Variants in ANTXR1 observed in about 807,000 individuals in gnomAD.
ANTXR1 encodes ANTXR cell adhesion molecule 1, also known as anthrax toxin receptor 1.
A neutral mutation model predicts 78.1 loss-of-function variants in ANTXR1; 19 were observed. That is an observed-to-expected ratio of 0.24 (90% CI 0.17 to 0.36). The LOEUF (loss-of-function observed/expected upper bound fraction) is 0.36, where lower values mean the gene tolerates loss of function less well. ANTXR1 is among the 10% of genes least tolerant of loss of function. The pLI is 1.00. For synonymous variants in ANTXR1, 273 were observed against 260.5 expected, an observed-to-expected ratio of 1.05 and a Z score of -0.46; for missense variants, 518 against 718.6, an observed-to-expected ratio of 0.72 and a Z score of 3.19.
intron 8 of ANTXR1, among the ~76,000 whole-genome samples, chr2:69,084,922 G>A (rs961043329): frequency 6.8e-6 from 1 of 146,798 alleles, no homozygotes; most frequent in South Asian, 2.2e-4. Context: ...GCGCTATCTC[G>A]GCTCACTGCA....
At chr2:69,184,265 C>T (rs528805864) in intron 16 of ANTXR1, among the ~76,000 whole-genome samples, 37 of 152,206 alleles carry the variant, frequency 2.4e-4, no homozygotes, top group Non-Finnish European at 4.4e-4. Flanking sequence ...TGAATTGCCA[C>T]GCATTTCTAT....
chr2:69,013,775 C>G lies in ANTXR1; in HGVS notation c.152+124C>G. On this transcript the variant is annotated intron_variant, in intron 1 of 17. Transcript: ENST00000303714. The surrounding 1 kb of genome is among the most constrained non-coding windows in gnomAD (Gnocchi z 5.0). ...CGCATCTCCAGGGCCACAGAGGGACCGCGCGGCAGGCGGCGGCGGAGTGCT... is the reference window on the plus strand; with the variant it reads ...CGCATCTCCAGGGCCACAGAGGGACGGCGCGGCAGGCGGCGGCGGAGTGCT... The G allele has an allele frequency of 6.7e-7, 1 of 1,485,794 alleles. No homozygotes were observed. The highest frequency in any genetic ancestry group is 9.2e-7 in the Non-Finnish European group (1 of 1,091,290). The allele number at this position is 1,485,794 out of a possible 1,614,324, so 92.0% of individuals were successfully genotyped here.
In ANTXR1 at chr2:69,213,886, C is replaced by A. The variant is rs77515697; in HGVS notation, c.1434+20471C>A. ...TACAAGTCGCAAGTGGATGACCATG[C>A]CCCCATTGCCAGCAGCCTTGGGACG... On this transcript the variant is annotated intron_variant, in intron 17 of 17. Transcript: ENST00000303714. 8.2e-3 allele frequency among the ~76,000 whole-genome samples: 1,255 copies of A among 152,346 alleles called. 17 individuals carry two copies. The highest frequency in any genetic ancestry group is 0.028 in the African/African-American group (1,163 of 41,574).
chr2:69,044,898 C>A, intron 3 of ANTXR1, 85 bp downstream of exon 3: 1 of 1,347,860 alleles, frequency 7.4e-7, no homozygotes, highest in Non-Finnish European at 1.1e-6. Context: ...CCAGCCTTGA[C>A]CTGTTGATCA....
chr2:69,164,238 C>A (rs938712674), intron 13 of ANTXR1, among the ~76,000 whole-genome samples: 2 of 152,260 alleles, frequency 1.3e-5, no homozygotes, highest in Middle Eastern at 3.4e-3. Flanking sequence ...AAGGCCAACC[C>A]GTGACTCTGA....
intron 17 of ANTXR1, among the ~76,000 whole-genome samples, chr2:69,194,748 G>T (rs933417894): frequency 2.6e-5 from 4 of 152,194 alleles, no homozygotes; most frequent in African/African-American, 9.7e-5. Context: ...AGCTACTCAG[G>T]AGACTGAAGC....
At chr2:69,095,332 C>G (rs1222031886) in intron 9 of ANTXR1, among the ~76,000 whole-genome samples, 1 of 152,128 alleles carries the variant, frequency 6.6e-6, no homozygotes, top group Admixed American at 6.5e-5. Context: ...AAGACTTAGT[C>G]CCAAATCCAC....
Position 69,138,470 on chromosome 2 carries a change from A to G in ANTXR1, c.952-13699A>G, listed in dbSNP as rs976440254. Among the ~76,000 whole-genome samples the G allele has an allele frequency of 2.6e-5, 4 of 152,234 alleles. 1 individual carries two copies. The highest frequency in any genetic ancestry group is 1.3e-4 in the Admixed American group (2 of 15,288). ...GACTGACAGGATTTATATTGTTTGC[A>G]TTCCCAGAAGGCAGTCAAACTCCTC... On this transcript the variant is annotated intron_variant, in intron 12 of 17. Transcript: ENST00000303714.
intron 10 of ANTXR1, among the ~76,000 whole-genome samples, chr2:69,118,643 C>T (rs1672234617): frequency 6.6e-6 from 1 of 152,074 alleles, no homozygotes; most frequent in South Asian, 2.1e-4. Flanking sequence ...CTCGGCTGTC[C>T]TAGGAGTGGA....
chr2:69,160,313 C>T lies in ANTXR1; in HGVS notation c.1047+8049C>T, dbSNP rs537322522. ...CCCCAACCCCCATGCTTATGCCTGC[C>T]GGTGAAATGGAAAGAGGCGAGTTGT... is the stretch of plus-strand genomic sequence containing the variant. On this transcript the variant is annotated intron_variant, in intron 13 of 17. Coordinates refer to ENST00000303714, the MANE Select transcript of ANTXR1 (RefSeq NM_032208.3). Among the ~76,000 whole-genome samples the T allele has an allele frequency of 5.3e-5, 8 of 152,234 alleles. No homozygotes were observed. The South Asian group carries it at 1.0e-3, about 20-fold the overall frequency.
intron 17 of ANTXR1, among the ~76,000 whole-genome samples, chr2:69,218,373 G>A (rs1021615423): frequency 6.6e-6 from 1 of 152,152 alleles, no homozygotes; most frequent in Non-Finnish European, 1.5e-5. Context: ...AGGGGGGGAT[G>A]GGTATCCCTT....
At chr2:69,241,627 T>C (rs1427953460) in intron 17 of ANTXR1, among the ~76,000 whole-genome samples, 3 of 152,170 alleles carry the variant, frequency 2.0e-5, no homozygotes, top group South Asian at 2.1e-4. Flanking sequence ...TGTTTTTCCC[T>C]ACAATTTTGC....
intron 17 of ANTXR1, among the ~76,000 whole-genome samples, chr2:69,210,839 G>A (rs1675022708): frequency 6.6e-6 from 1 of 151,820 alleles, no homozygotes; most frequent in Non-Finnish European, 1.5e-5. Context: ...GGCAGGCTGT[G>A]GCACAAGAAT....
At chr2:69,087,604 T>G (rs1035829043) in intron 8 of ANTXR1, among the ~76,000 whole-genome samples, 2 of 152,176 alleles carry the variant, frequency 1.3e-5, no homozygotes, top group Non-Finnish European at 1.5e-5. Flanking sequence ...CATGCAGTTA[T>G]CTTATCCCTC....
At chr2:69,199,215 G>A (rs185167406) in intron 17 of ANTXR1, among the ~76,000 whole-genome samples, 194 of 152,268 alleles carry the variant, frequency 1.3e-3, no homozygotes, top group African/African-American at 4.5e-3. Flanking sequence ...ACCCATGCTC[G>A]GAGTTTCTGA....
At chr2:69,105,350 A>G (rs140792176) in intron 10 of ANTXR1, among the ~76,000 whole-genome samples, 91 of 152,344 alleles carry the variant, frequency 6.0e-4, no homozygotes, top group African/African-American at 2.2e-3. Context: ...GCACAATACT[A>G]AGTTTGGAGA....
chr2:69,181,824 A>G lies in ANTXR1; in HGVS notation c.1128A>G (p.Pro376=). The change falls in exon 15 of 18, where the codon CCA becomes CCG. Residue 376 remains proline, a synonymous_variant. Transcript: ENST00000303714. ...ATGGTCTGCCTAAGAAAAAGTGGCCAACGGTAGACGCCTCTTATTATGGTG... is the reference window on the plus strand; with the variant it reads ...ATGGTCTGCCTAAGAAAAAGTGGCCGACGGTAGACGCCTCTTATTATGGTG... The part of the protein sequence containing the change: ...DDDGLPKKKW[P]TVDASYYGGR... The G allele has an allele frequency of 1.9e-6, 3 of 1,614,184 alleles. No homozygotes were observed. Among genetic ancestry groups the G allele is most frequent in the Non-Finnish European group, 2.5e-6 (3 of 1,180,020 alleles).
At chr2:69,212,997 G>A (rs1675084305) in intron 17 of ANTXR1, among the ~76,000 whole-genome samples, 1 of 141,250 alleles carries the variant, frequency 7.1e-6, no homozygotes, top group Non-Finnish European at 1.5e-5. Context: ...GGTAGAGAGA[G>A]GGTCTCACTA....
At chr2:69,176,473 C>G (rs1392962393) in intron 14 of ANTXR1, among the ~76,000 whole-genome samples, 1 of 152,204 alleles carries the variant, frequency 6.6e-6, no homozygotes, top group Non-Finnish European at 1.5e-5. Flanking sequence ...TGAGACAGTC[C>G]TGCCAGTTCT....
Sources: gnomAD v4.1 joint callset for allele counts (sites outside exome capture counted in the v4.1 genomes callset) on GRCh38, gnomAD v4.1.1 for gene constraint, Gnocchi (gnomAD v3.1) non-coding constraint, MANE v1.5 for transcripts, NCBI Gene and HGNC (gene_info 2026-07-23, HGNC 2026-07-21) for gene names.